DSCC1: variants seen among roughly 807,000 people sequenced by gnomAD.
The protein encoded by DSCC1 is DNA replication and sister chromatid cohesion 1.
DSCC1 carries 32 observed loss-of-function variants against 48.2 expected under a neutral mutation model. The observed-to-expected ratio is 0.66, with a 90% CI of 0.50 to 0.89. The LOEUF is 0.89. Among genes scored for constraint, DSCC1 ranks in the 40% least tolerant of loss-of-function variants. The probability of loss-of-function intolerance (pLI) is 0.00; values close to 1 mark genes in which losing one functional copy is unlikely to be tolerated. For missense variants in DSCC1, 421 were observed against 471.7 expected (o/e 0.89, Z 1.00); for synonymous variants, 150 against 171.5 (o/e 0.87, Z 0.98).
rs753819161 is a variant in DSCC1, at chr8:119,834,973, C to T, written c.1102G>A (p.Gly368Ser). The T allele has an allele frequency of 1.9e-6, 3 of 1,606,934 alleles. No individual in the cohort carries two copies. Among genetic ancestry groups the T allele is most frequent in the South Asian group, 1.1e-5 (1 of 89,280 alleles). Residue 368 changes from glycine to serine, a missense_variant, in exon 9 of 9, where the codon GGT becomes AGT. By Grantham distance (56) the Gly-to-Ser change is moderately conservative (BLOSUM62 0). This residue lies in a region of DSCC1 where 238 missense variants were observed against 259.0 expected (regional missense o/e 0.92). Coordinates refer to ENST00000313655, the MANE Select transcript of DSCC1 (RefSeq NM_024094.3). ...TGAGAATATTTAGTGAGTAATGCAC[C>T]TATGGTTTGCTTCTCTCCACACAAA... ...QDLCGEKQTIGALLTKYSHSS... is the reference protein window; with the variant it reads ...QDLCGEKQTISALLTKYSHSS...
chr8:119,838,689 G>C (rs1385408226), intron 7 of DSCC1: 1 of 257,564 alleles, frequency 3.9e-6, no homozygotes, highest in Non-Finnish European at 7.3e-6. Flanking sequence ...AAATCCAGTG[G>C]GCCCTTTTCT....
Position 119,841,918 on chromosome 8 carries a change from T to G in DSCC1, c.800A>C (p.Lys267Thr). The change falls in exon 7 of 9, where the codon AAA becomes ACA. Residue 267 changes from lysine (K) to threonine (T), a missense_variant. By Grantham distance (78) the Lys-to-Thr change is moderately conservative. Around this residue, in one of 3 missense-constraint regions of DSCC1, gnomAD observed 238 missense variants for 259.0 expected, o/e 0.92. Transcript: ENST00000313655. ...CATTCGTGCTGCTGCTCTACATATTTTATCAGCATCCAACTCAAAATAAAC... is the reference window on the plus strand; with the variant it reads ...CATTCGTGCTGCTGCTCTACATATTGTATCAGCATCCAACTCAAAATAAAC... ...GEVYFELDADKICRAAARMLL... is the reference protein window; with the variant it reads ...GEVYFELDADTICRAAARMLL... 1 of 1,614,106 alleles carries G rather than the reference T, an allele frequency of 6.2e-7. No individual in the cohort carries two copies. Among genetic ancestry groups the G allele is most frequent in the Non-Finnish European group, 8.5e-7 (1 of 1,179,990 alleles).
rs892574975 is a variant in DSCC1, at chr8:119,842,881, T to C, written c.717-53A>G. The stretch of plus-strand genomic sequence containing the variant: ...AAGTTATAAGCATTTTTATGCACTA[T>C]ATTTTAACCCCATTGCCAACTCAAA... On this transcript the variant is annotated intron_variant, in intron 5 of 8. Transcript: ENST00000313655. 1.7e-5 allele frequency: 24 copies of C among 1,452,190 alleles called. No homozygotes were observed. The South Asian group carries it at 2.2e-4, about 13-fold the overall frequency. The allele number at this position is 1,452,190 out of a possible 1,614,324, so 90.0% of individuals were successfully genotyped here.
chr8:119,843,811 CTG>C (rs1826811077), intron 4 of DSCC1, 64 bp from the exon 5 acceptor site: 12 of 1,518,338 alleles, frequency 7.9e-6, no homozygotes, highest in Middle Eastern at 2.2e-4. Context: ...GGTCTCAACT[CTG>C]TCACCCAAGC....
intron 3 of DSCC1, among the ~76,000 whole-genome samples, chr8:119,849,722 T>G (rs1826917728): frequency 6.6e-6 from 1 of 152,174 alleles, no homozygotes; most frequent in Admixed American, 6.5e-5. Context: ...ATTATTCAAT[T>G]GCATACTTTA....
Position 119,853,149 on chromosome 8 carries a change from CAA to C in DSCC1, c.247_248del (p.Leu83GlufsTer16), listed in dbSNP as rs769014512. ...ACATATTGGAAGTGTCTGCTATCTTCAAGTCGTATGTTTTGTCTTTACTGCAC... is the reference window on the plus strand; with the variant it reads ...ACATATTGGAAGTGTCTGCTATCTTCGTCGTATGTTTTGTCTTTACTGCAC... ...VLCSKDKTYD[L>X]KIADTSNMLL... On this transcript the variant is annotated frameshift_variant, in exon 2 of 9. Coordinates refer to ENST00000313655, the MANE Select transcript of DSCC1 (RefSeq NM_024094.3). LOFTEE classifies it high-confidence loss of function. 24 of 1,613,986 alleles carry C rather than the reference CAA, an allele frequency of 1.5e-5. No individual in the cohort carries two copies. Among genetic ancestry groups the C allele is most frequent in the Non-Finnish European group, 2.0e-5 (24 of 1,180,012 alleles).
chr8:119,847,968 TTTTG>T (rs1468066402), intron 3 of DSCC1, among the ~76,000 whole-genome samples: 8 of 150,244 alleles, frequency 5.3e-5, no homozygotes, highest in African/African-American at 1.5e-4. Flanking sequence ...CCTGGCCTCT[TTTTG>T]TTTTTGTTTT....
chr8:119,836,302 G>A (rs1467947392), intron 8 of DSCC1, among the ~76,000 whole-genome samples: 1 of 152,186 alleles, frequency 6.6e-6, no homozygotes, highest in Non-Finnish European at 1.5e-5. Flanking sequence ...AACAGAGTGA[G>A]ACTCTGTCTC....
At chr8:119,848,224 A>C (rs1307008394) in intron 3 of DSCC1, among the ~76,000 whole-genome samples, 1 of 152,060 alleles carries the variant, frequency 6.6e-6, no homozygotes, top group African/African-American at 2.4e-5. Flanking sequence ...TGCCCTCCTA[A>C]ATTGCTGGGA....
Position 119,855,622 on chromosome 8 carries a change from A to C in DSCC1, c.174T>G (p.Asp58Glu), listed in dbSNP as rs770221227. The change falls in exon 1 of 9, where the codon GAT becomes GAG. Residue 58 changes from aspartate (D) to glutamate (E), a missense_variant. Physicochemically the swap from Asp to Glu is conservative, Grantham distance 45. Transcript: ENST00000313655. ...LEPTLCQQLE[D>E]GHSLVIRGDK... ...GCGTGACCAGGGCTCACCTGTGTCCATCCTCCAGCTGCTGGCACAGCGTGG... is the reference window on the plus strand; with the variant it reads ...GCGTGACCAGGGCTCACCTGTGTCCCTCCTCCAGCTGCTGGCACAGCGTGG... The C allele has an allele frequency of 6.5e-7, 1 of 1,545,098 alleles. No individual in the cohort carries two copies. Among genetic ancestry groups the C allele is most frequent in the South Asian group, 1.2e-5 (1 of 83,942 alleles).
chr8:119,843,695 T>G lies in DSCC1; in HGVS notation c.630A>C (p.Val210=), dbSNP rs200089092. Residue 210 remains valine (V), a synonymous_variant, in exon 5 of 9, where the codon GTA becomes GTC. Transcript: ENST00000313655. ...ATGATTCAGAATCCACAAGCTGAGT[T>G]ACATGATTCAGAAGTTTCATCTCAT... The part of the protein sequence containing the change: ...FDYEMKLLNH[V]TQLVDSESWS... The G allele has an allele frequency of 1.7e-5, 28 of 1,613,940 alleles. No homozygotes were observed. Among genetic ancestry groups the G allele is most frequent in the Non-Finnish European group, 2.4e-5 (28 of 1,180,006 alleles).
Position 119,855,717 on chromosome 8 carries a change from G to T in DSCC1, c.79C>A (p.His27Asn). 1 of 1,568,314 alleles carries T rather than the reference G, an allele frequency of 6.4e-7. No individual in the cohort carries two copies. The highest frequency in any genetic ancestry group is 8.6e-7 in the Non-Finnish European group (1 of 1,156,922). ...LNAAELLPAV[H>N]CLGFGPGASG... Reference sequence around the variant, plus strand: ...GCCCCAGGGCCGAAGCCCAGGCAGTGCACCGCCGGCAGCAGCTCGGCCGCA... The same window carrying T: ...GCCCCAGGGCCGAAGCCCAGGCAGTTCACCGCCGGCAGCAGCTCGGCCGCA... The change falls in exon 1 of 9, where the codon CAC (histidine) becomes AAC (asparagine). Residue 27 changes from histidine (H) to asparagine (N), a missense_variant. His to Asn is a moderately conservative substitution (Grantham distance 68). Transcript: ENST00000313655.
chr8:119,850,083 G>A (rs981005841), intron 3 of DSCC1, among the ~76,000 whole-genome samples: 5 of 151,918 alleles, frequency 3.3e-5, no homozygotes, highest in Non-Finnish European at 7.4e-5. Flanking sequence ...CTATATAAAT[G>A]GCATTATGAT....
chr8:119,843,807 AACTCTGTC>A (rs1275674350), intron 4 of DSCC1, 60 bp from the exon 5 acceptor site: 2 of 1,526,060 alleles, frequency 1.3e-6, no homozygotes, highest in African/African-American at 2.8e-5. Context: ...GCAGGGTCTC[AACTCTGTC>A]ACCCAAGCTG....
In DSCC1 at chr8:119,843,118, TA is replaced by T. The variant is rs1374629121; in HGVS notation, c.717-291del. ...CCTTTATTTATTGTTTGTTTTATTT[TA>T]TTTTTTTTTTTTTTTTGAGAGTGCA... On this transcript the variant is annotated intron_variant, in intron 5 of 8. Coordinates refer to ENST00000313655, the MANE Select transcript of DSCC1 (RefSeq NM_024094.3). 5.8e-3 allele frequency among the ~76,000 whole-genome samples: 814 copies of T among 140,628 alleles called. 11 individuals are homozygous for T. The highest frequency in any genetic ancestry group is 0.025 in the Middle Eastern group (6 of 240). The allele number at this position is 140,628 out of a possible 152,430, so 92.3% of individuals were successfully genotyped here. A position where few individuals can be genotyped will look rare whatever the true frequency, so the allele number is the denominator to read the frequency against.
At chr8:119,842,876 C>T in intron 5 of DSCC1, 48 bp from the exon 6 acceptor site, 1 of 1,506,628 alleles carries the variant, frequency 6.6e-7, no homozygotes, top group Non-Finnish European at 9.1e-7. Context: ...CATTTTTATG[C>T]ACTATATTTT....
rs776237824 is a variant in DSCC1 at position 119,836,613 on chromosome 8, C to T, written c.1074-1612G>A. 2.0e-5 allele frequency among the ~76,000 whole-genome samples: 3 copies of T among 152,086 alleles called. 1 individual carries two copies. The highest frequency in any genetic ancestry group is 6.8e-3 in the Middle Eastern group (2 of 294). ...TGTGTTAAGGATGAGGGAGAAGCAACAGTTCTGTTATGAACATGTTAAGCT... is the reference window on the plus strand; with the variant it reads ...TGTGTTAAGGATGAGGGAGAAGCAATAGTTCTGTTATGAACATGTTAAGCT... On this transcript the variant is annotated intron_variant, in intron 8 of 8. Transcript: ENST00000313655.
chr8:119,842,082 G>GTTTT, intron 6 of DSCC1, 134 bp from the exon 7 acceptor site: 2 of 902,410 alleles, frequency 2.2e-6, no homozygotes, highest in Non-Finnish European at 1.6e-6. Flanking sequence ...CCCATAGTTC[G>GTTTT]TTTTTTTTTG....
intron 2 of DSCC1, among the ~76,000 whole-genome samples, chr8:119,851,069 C>T (rs1483247580): frequency 6.6e-6 from 1 of 152,102 alleles, no homozygotes; most frequent in Non-Finnish European, 1.5e-5. Flanking sequence ...TAGTGAGAGG[C>T]CTACCACTCA....
Sources: allele counts gnomAD v4.1 joint callset (sites outside exome capture counted in the v4.1 genomes callset), GRCh38; gene constraint gnomAD v4.1.1; regional missense constraint gnomAD v4.1.1; transcripts MANE v1.5; gene names NCBI Gene and HGNC (gene_info 2026-07-23, HGNC 2026-07-21).